CAP2: variants seen among roughly 807,000 people sequenced by gnomAD.
CAP2 encodes cyclase associated actin cytoskeleton regulatory protein 2.
Under a neutral mutation model 57.7 loss-of-function variants are expected in CAP2, and 24 were observed. The observed-to-expected ratio is 0.42, with a 90% CI of 0.30 to 0.58. The LOEUF is 0.58. CAP2 is among the 20% of genes least tolerant of loss of function. The pLI is 0.22. For synonymous variants in CAP2, 194 were observed against 207.2 expected, an observed-to-expected ratio of 0.94 and a Z score of 0.55; for missense variants, 501 against 590.3, an observed-to-expected ratio of 0.85 and a Z score of 1.57.
chr6:17,474,185 C>CTTTTTTTTTTTTTTTT (rs544909381), intron 4 of CAP2, among the ~76,000 whole-genome samples: 34 of 93,202 alleles, frequency 3.6e-4, no homozygotes, highest in East Asian at 7.2e-4. Context: ...AAAAAACAGT[C>CTTTTTTTTTTTTTTTT]TTTTTTTTTT....
chr6:17,555,781 G>A (rs1341972480), intron 12 of CAP2, among the ~76,000 whole-genome samples: 1 of 151,834 alleles, frequency 6.6e-6, no homozygotes, highest in Admixed American at 6.6e-5. Flanking sequence ...TGGCCAGGCT[G>A]GTCTCGAACT....
intron 4 of CAP2, among the ~76,000 whole-genome samples, chr6:17,473,506 T>A (rs1211703705): frequency 6.6e-6 from 1 of 152,232 alleles, no homozygotes; most frequent in Non-Finnish European, 1.5e-5. Flanking sequence ...AAGAGGTCAC[T>A]GTGTCATTCA....
intron 7 of CAP2, among the ~76,000 whole-genome samples, chr6:17,522,024 G>C (rs550711659): frequency 1.3e-5 from 2 of 152,010 alleles, no homozygotes; most frequent in African/African-American, 4.8e-5. Flanking sequence ...CAGGAGAATC[G>C]CTTGAACCTG....
intron 12 of CAP2, among the ~76,000 whole-genome samples, chr6:17,554,993 A>G (rs1348635866): frequency 6.6e-6 from 1 of 152,194 alleles, no homozygotes; most frequent in East Asian, 1.9e-4. Flanking sequence ...AAGGGTAACC[A>G]ACGTGTATAT....
intron 4 of CAP2, 66 bp from the exon 5 acceptor site, chr6:17,507,103 A>G (rs1762006866): frequency 4.5e-6 from 7 of 1,559,044 alleles, no homozygotes; most frequent in East Asian, 2.2e-5. Context: ...TTAGGCCAAC[A>G]TGGATAGAGG....
intron 3 of CAP2, among the ~76,000 whole-genome samples, chr6:17,450,777 A>G (rs781652221): frequency 1.3e-5 from 2 of 152,148 alleles, no homozygotes; most frequent in Non-Finnish European, 2.9e-5. Flanking sequence ...TTCTCCGCCA[A>G]TGAGAGTAAA....
At chr6:17,436,086 T>TTTCCTTCCTTCCTTCCTTCCTTCCTTCC (rs745555651) in intron 3 of CAP2, among the ~76,000 whole-genome samples, 10 of 133,990 alleles carry the variant, frequency 7.5e-5, no homozygotes, top group African/African-American at 2.9e-4. Flanking sequence ...TCTTTCTTTC[T>TTTCCTTCCTTCCTTCCTTCCTTCCTTCC]TTCCTTCCTT....
intron 3 of CAP2, among the ~76,000 whole-genome samples, chr6:17,430,815 G>C (rs1341147633): frequency 6.6e-6 from 1 of 152,200 alleles, no homozygotes; most frequent in East Asian, 1.9e-4. Context: ...GGGATTATAG[G>C]CGTGAGCCAC....
At chr6:17,449,279 T>C (rs1760342533) in intron 3 of CAP2, among the ~76,000 whole-genome samples, 1 of 152,162 alleles carries the variant, frequency 6.6e-6, no homozygotes, top group African/African-American at 2.4e-5. Context: ...CCTGGTCCTA[T>C]CCCTGCAAGG....
intron 4 of CAP2, among the ~76,000 whole-genome samples, chr6:17,498,873 C>A (rs541153530): frequency 6.6e-6 from 1 of 151,840 alleles, no homozygotes; most frequent in Non-Finnish European, 1.5e-5. Context: ...GGATTACAGG[C>A]GCCCGCCACC....
intron 7 of CAP2, among the ~76,000 whole-genome samples, chr6:17,530,432 T>C (rs995686648): frequency 6.6e-6 from 1 of 152,150 alleles, no homozygotes; most frequent in African/African-American, 2.4e-5. Context: ...CTATAAGTTG[T>C]CACTGCTACC....
At chr6:17,489,399 T>G (rs1761496185) in intron 4 of CAP2, among the ~76,000 whole-genome samples, 1 of 152,144 alleles carries the variant, frequency 6.6e-6, no homozygotes, top group African/African-American at 2.4e-5. Flanking sequence ...GCTACTGCAC[T>G]CCAGCCTGGG....
At chr6:17,525,246 G>A (rs1471156002) in intron 7 of CAP2, among the ~76,000 whole-genome samples, 1 of 152,086 alleles carries the variant, frequency 6.6e-6, no homozygotes, top group Admixed American at 6.5e-5. Flanking sequence ...CAAAATAGTA[G>A]TAGCTTTTAA....
intron 1 of CAP2, among the ~76,000 whole-genome samples, chr6:17,400,064 CA>C (rs370527132): frequency 5.8e-4 from 85 of 145,348 alleles, no homozygotes; most frequent in Admixed American, 1.7e-3. Context: ...ATTAAAAATA[CA>C]AAAAAAAAAA....
chr6:17,419,566 A>G (rs1344772399), intron 1 of CAP2, among the ~76,000 whole-genome samples: 3 of 152,210 alleles, frequency 2.0e-5, no homozygotes, highest in Non-Finnish European at 4.4e-5. Flanking sequence ...CCTTAAAGAC[A>G]TATAAATTCT....
At chr6:17,475,721 A>G (rs1018628370) in intron 4 of CAP2, among the ~76,000 whole-genome samples, 1 of 152,216 alleles carries the variant, frequency 6.6e-6, no homozygotes, top group African/African-American at 2.4e-5. Flanking sequence ...AAATGTTCCA[A>G]TTAGATGGAT....
Position 17,462,017 on chromosome 6 carries a change from A to T in CAP2, c.223-979A>T, listed in dbSNP as rs1234584572. Among the ~76,000 whole-genome samples, 40 of 143,778 alleles carry T rather than the reference A, an allele frequency of 2.8e-4. 1 individual carries two copies. The East Asian group carries it at 7.9e-3, about 28-fold the overall frequency. The allele number at this position is 143,778 out of a possible 152,430, so 94.3% of individuals were successfully genotyped here. ...CAAAAAAAAAAAAAAAAAAAAAAAA[A>T]AAAAAATTAACATAACAAAAAAAGA... On this transcript the variant is annotated intron_variant, in intron 3 of 12. Transcript: ENST00000229922.
At position 17,463,093 on chromosome 6, in the gene CAP2, G is replaced by A. The variant is rs746939378; in HGVS notation, c.300+20G>A. The A allele has an allele frequency of 1.3e-6, 2 of 1,571,100 alleles. No individual in the cohort carries two copies. Among genetic ancestry groups the A allele is most frequent in the East Asian group, 2.2e-5 (1 of 44,678 alleles). ...CACGAGGTAAGAGAGTGTCCTGAGA[G>A]GGAAGGTGTCCCAGGGTATGCGCAG... is the stretch of plus-strand genomic sequence containing the variant. On this transcript the variant is annotated intron_variant, in intron 4 of 12. Coordinates refer to ENST00000229922, the MANE Select transcript of CAP2 (RefSeq NM_006366.3).
intron 7 of CAP2, among the ~76,000 whole-genome samples, chr6:17,514,294 C>T (rs1157514204): frequency 6.6e-6 from 1 of 152,032 alleles, no homozygotes; most frequent in African/African-American, 2.4e-5. Flanking sequence ...ACCCAGGAGG[C>T]AGAGGCTGCA....
Sources: allele counts gnomAD v4.1 joint callset (sites outside exome capture counted in the v4.1 genomes callset), GRCh38; gene constraint gnomAD v4.1.1; transcripts MANE v1.5; gene names NCBI Gene and HGNC (gene_info 2026-07-23, HGNC 2026-07-21).